INTS4: variants seen among roughly 807,000 people sequenced by gnomAD.
The protein encoded by INTS4 is integrator complex subunit 4.
A neutral mutation model predicts 119.5 loss-of-function variants in INTS4; 70 were observed. That is an observed-to-expected ratio of 0.59 (90% CI 0.48 to 0.71). The LOEUF is 0.71. Among genes scored for constraint, INTS4 ranks in the 30% least tolerant of loss-of-function variants. The pLI is 0.00. For missense variants in INTS4, 867 were observed against 1,173.2 expected, an observed-to-expected ratio of 0.74 and a Z score of 3.81; for synonymous variants, 316 against 419.6, an observed-to-expected ratio of 0.75 and a Z score of 3.02.
intron 12 of INTS4, among the ~76,000 whole-genome samples, chr11:77,923,181 G>A (rs1272220212): frequency 6.6e-6 from 1 of 152,044 alleles, no homozygotes; most frequent in African/African-American, 2.4e-5. Context: ...AGCTGGGCAT[G>A]GTGGCACGGG....
chr11:77,935,351 T>A (rs1349400113), intron 10 of INTS4, among the ~76,000 whole-genome samples: 1 of 152,104 alleles, frequency 6.6e-6, no homozygotes, highest in Non-Finnish European at 1.5e-5. Flanking sequence ...TCTCCCTGAG[T>A]TGAGAAGATT....
At chr11:77,910,095 A>C (rs946108233) in intron 15 of INTS4, among the ~76,000 whole-genome samples, 5 of 152,168 alleles carry the variant, frequency 3.3e-5, no homozygotes, top group African/African-American at 1.2e-4. Context: ...ATTACTGGGT[A>C]TATACCCAAA....
intron 1 of INTS4, among the ~76,000 whole-genome samples, chr11:77,993,590 A>G (rs1299209673): frequency 6.6e-6 from 1 of 152,144 alleles, no homozygotes; most frequent in African/African-American, 2.4e-5. Flanking sequence ...ACTGAACTTT[A>G]TACTTAAAAT....
chr11:77,905,034 G>C (rs1952901982), intron 16 of INTS4, among the ~76,000 whole-genome samples: 1 of 152,174 alleles, frequency 6.6e-6, no homozygotes, highest in Admixed American at 6.5e-5. Context: ...TACACATTGA[G>C]GGTGTGTCTA....
At chr11:77,896,435 G>C (rs113533187) in intron 18 of INTS4, among the ~76,000 whole-genome samples, 58,247 of 151,882 alleles carry the variant, frequency 0.38, 11,580 homozygotes, top group African/African-American at 0.48. Context: ...GCGGATCACC[G>C]GAGGTCAGAA....
At position 77,883,700 on chromosome 11, in the gene INTS4, C is replaced by T; in HGVS notation, c.2713+132G>A. 4.1e-6 allele frequency: 4 copies of T among 975,656 alleles called. No individual in the cohort carries two copies. In the South Asian group the frequency reaches 6.9e-5, roughly 17 times the overall value. 60.4% of individuals were successfully genotyped at this position (975,656 alleles called of 1,614,324 possible). ...TACCCACTTAATGAGTGCTTATAAA[C>T]TCATTAAGTTCAATTCTTACAAGGC... On this transcript the variant is annotated intron_variant, in intron 22 of 22. Coordinates refer to ENST00000534064, the MANE Select transcript of INTS4 (RefSeq NM_033547.4).
intron 10 of INTS4, among the ~76,000 whole-genome samples, chr11:77,937,289 T>G (rs1953820723): frequency 1.3e-5 from 2 of 152,110 alleles, no homozygotes; most frequent in South Asian, 4.1e-4. Context: ...AAACATGACA[T>G]GAACTGTACT....
intron 8 of INTS4, among the ~76,000 whole-genome samples, chr11:77,952,031 T>C (rs1036258098): frequency 7.9e-5 from 12 of 152,202 alleles, no homozygotes; most frequent in African/African-American, 2.9e-4. Flanking sequence ...CTGGAGAGGA[T>C]GTGGAGAAAT....
Position 77,901,406 on chromosome 11 carries a change from A to G in INTS4, c.2228+15T>C, listed in dbSNP as rs1376610275. ...AAGGAACATGCCACATATTTTGGCCAACCCCACATCTTACCCTCGTGTAGT... is the reference window on the plus strand; with the variant it reads ...AAGGAACATGCCACATATTTTGGCCGACCCCACATCTTACCCTCGTGTAGT... On this transcript the variant is annotated intron_variant, in intron 18 of 22. Transcript: ENST00000534064. 5 of 1,613,754 alleles carry G rather than the reference A, an allele frequency of 3.1e-6. No individual in the cohort carries two copies. The Admixed American group carries it at 8.3e-5, about 27-fold the overall frequency.
At chr11:77,977,343 T>C (rs1224038665) in intron 4 of INTS4, among the ~76,000 whole-genome samples, 1 of 151,944 alleles carries the variant, frequency 6.6e-6, no homozygotes, top group East Asian at 1.9e-4. Flanking sequence ...CTATTACAAA[T>C]TATATTTATA....
At chr11:77,874,775 G>A (rs1375853316), downstream of INTS4, among the ~76,000 whole-genome samples, 2 of 152,124 alleles carry the variant, frequency 1.3e-5, no homozygotes, top group African/African-American at 4.8e-5. Context: ...GGTGGCTCAC[G>A]CCTGTAATCC....
chr11:77,974,282 G>A (rs533996034), intron 4 of INTS4, among the ~76,000 whole-genome samples: 9 of 131,552 alleles, frequency 6.8e-5, no homozygotes, highest in East Asian at 2.3e-4. Flanking sequence ...TTGCTCTGTC[G>A]CCCAGGCTGG....
At chr11:77,946,662 G>T (rs191498412) in intron 8 of INTS4, among the ~76,000 whole-genome samples, 133 of 152,008 alleles carry the variant, frequency 8.7e-4, no homozygotes, top group African/African-American at 3.0e-3. Flanking sequence ...TCAGCAGGCT[G>T]AGGTGGGAGG....
Position 77,907,796 on chromosome 11 carries a change from A to G in INTS4, c.1937T>C (p.Leu646Pro). 6.2e-7 allele frequency: 1 copy of G among 1,612,308 alleles called. No individual in the cohort carries two copies. The highest frequency in any genetic ancestry group is 8.5e-7 in the Non-Finnish European group (1 of 1,178,536). Residue 646 changes from leucine to proline, a missense_variant, in exon 16 of 23, where the codon CTT (leucine) becomes CCT (proline). This residue lies in a region of INTS4 where 262 missense variants were observed against 376.0 expected (regional missense o/e 0.70). Transcript: ENST00000534064. Reference protein sequence around the residue: ...LEFTIRDLQRLGELQSELAGV... With the variant: ...LEFTIRDLQRPGELQSELAGV... ...TGCCAATTCAGATTGAAGTTCTCCAAGTCTTTGCAGATCCCTATAGTAAAT... is the reference window on the plus strand; with the variant it reads ...TGCCAATTCAGATTGAAGTTCTCCAGGTCTTTGCAGATCCCTATAGTAAAT...
chr11:77,922,360 T>C lies in INTS4; in HGVS notation c.1626A>G (p.Pro542=). Residue 542 remains proline (P), a synonymous_variant, in exon 13 of 23, where the codon CCA becomes CCG. Transcript: ENST00000534064. The part of the protein sequence containing the change: ...FDTAEPDMDD[P]AYIAVLVLIF... ...CATCCTAAGCACAGAGGATACAAGC[T>C]GGATCATCCATGTCTGGTTCAGCTG... 1 of 1,458,242 alleles carries C rather than the reference T, an allele frequency of 6.9e-7. No homozygotes were observed. Among genetic ancestry groups the C allele is most frequent in the Admixed American group, 2.8e-5 (1 of 35,674 alleles). The allele number at this position is 1,458,242 out of a possible 1,614,324, so 90.3% of individuals were successfully genotyped here.
chr11:77,933,836 G>A lies in INTS4; in HGVS notation c.1165+4815C>T, dbSNP rs544630848. ...AGGTGGGGGGCGCCTCTGCCCGGCC[G>A]CCCTGTCTGGGAAGTGAGGAGCCCC... On this transcript the variant is annotated intron_variant, in intron 10 of 22. Coordinates refer to ENST00000534064, the MANE Select transcript of INTS4 (RefSeq NM_033547.4). 6.4e-4 allele frequency among the ~76,000 whole-genome samples: 96 copies of A among 151,098 alleles called. 2 individuals are homozygous for A. Among genetic ancestry groups the A allele is most frequent in the African/African-American group, 2.3e-3 (95 of 41,080 alleles).
chr11:77,906,810 CAAAG>C (rs1281834719), intron 16 of INTS4, among the ~76,000 whole-genome samples: 2 of 152,170 alleles, frequency 1.3e-5, no homozygotes, highest in South Asian at 2.1e-4. Flanking sequence ...ACTTTGAAAA[CAAAG>C]AACACTTTGA....
At chr11:77,919,067 G>A (rs567637015) in intron 14 of INTS4, 89 bp from the exon 15 acceptor site, 8 of 1,393,770 alleles carry the variant, frequency 5.7e-6, no homozygotes, top group Middle Eastern at 4.4e-4. Context: ...CATTAAAAAC[G>A]TGAGCTAAAC....
rs754733463 is a variant in INTS4, at chr11:77,924,869, C to G, written c.1395G>C (p.Glu465Asp). The part of the protein sequence containing the change: ...VLEDSSRDIR[E>D]ALHELLCCTN... ...TACAGCATAAGAGTTCATGAAGAGCCTCTCGAATATCTCTGGATGAATCCT... is the reference window on the plus strand; with the variant it reads ...TACAGCATAAGAGTTCATGAAGAGCGTCTCGAATATCTCTGGATGAATCCT... The change falls in exon 12 of 23, where the codon GAG becomes GAC. Residue 465 changes from glutamate (E) to aspartate (D), a missense_variant. Transcript: ENST00000534064. 3 of 1,599,250 alleles carry G rather than the reference C, an allele frequency of 1.9e-6. No individual in the cohort carries two copies. The highest frequency in any genetic ancestry group is 2.6e-6 in the Non-Finnish European group (3 of 1,168,626).
Sources: gnomAD v4.1 joint callset for allele counts (sites outside exome capture counted in the v4.1 genomes callset) on GRCh38, gnomAD v4.1.1 for gene constraint, gnomAD v4.1.1 regional missense constraint, MANE v1.5 for transcripts, NCBI Gene and HGNC (gene_info 2026-07-23, HGNC 2026-07-21) for gene names.